MYOM1: variants seen among roughly 807,000 people sequenced by gnomAD.
MYOM1 encodes myomesin 1.
A neutral mutation model predicts 205.3 loss-of-function variants in MYOM1; 164 were observed. The observed-to-expected ratio is 0.80, with a 90% CI of 0.70 to 0.91. The LOEUF (loss-of-function observed/expected upper bound fraction) is 0.91. MYOM1 is among the 40% of genes least tolerant of loss of function. The pLI is 0.00. For missense variants in MYOM1, 2,011 were observed against 2,127.3 expected, an observed-to-expected ratio of 0.95 and a Z score of 1.08; for synonymous variants, 772 against 789.4, an observed-to-expected ratio of 0.98 and a Z score of 0.37.
rs769199894 is a variant in MYOM1 at position 3,215,198 on chromosome 18, C to T, written c.26G>A (p.Cys9Tyr). MSLPFYQR[C>Y]HQHYDLSYRN... Reference sequence around the variant, plus strand: ...GTAGCTGAGATCATAGTGCTGGTGGCACCTCTGATAAAAAGGCAAAGACAT... The same window carrying T: ...GTAGCTGAGATCATAGTGCTGGTGGTACCTCTGATAAAAAGGCAAAGACAT... Residue 9 changes from cysteine to tyrosine, a missense_variant, in exon 2 of 38, where the codon TGC becomes TAC. Cys to Tyr is a radical substitution (Grantham distance 194, BLOSUM62 -2). Transcript: ENST00000356443. 6 of 1,612,216 alleles carry T rather than the reference C, an allele frequency of 3.7e-6. No individual in the cohort carries two copies. Among genetic ancestry groups the T allele is most frequent in the Non-Finnish European group, 5.1e-6 (6 of 1,179,102 alleles).
chr18:3,092,478 C>A (rs2079238563), intron 26 of MYOM1, among the ~76,000 whole-genome samples: 1 of 152,220 alleles, frequency 6.6e-6, no homozygotes, highest in African/African-American at 2.4e-5. Flanking sequence ...CACGTGTGAG[C>A]CACCATGACT....
intron 5 of MYOM1, among the ~76,000 whole-genome samples, chr18:3,184,267 TC>T (rs2144128634): frequency 1.3e-5 from 2 of 152,294 alleles, no homozygotes; most frequent in Admixed American, 1.3e-4. Context: ...AGAAGTCAAC[TC>T]CCAGAGGTGG....
chr18:3,183,037 C>A (rs2080761646), intron 5 of MYOM1, among the ~76,000 whole-genome samples: 1 of 145,104 alleles, frequency 6.9e-6, no homozygotes, highest in African/African-American at 2.5e-5. Flanking sequence ...TCCATCGATT[C>A]TCCTGCCTCA....
At chr18:3,151,921 A>C in intron 11 of MYOM1, 28 bp from the exon 12 acceptor site, 1 of 1,599,880 alleles carries the variant, frequency 6.3e-7, no homozygotes, top group Non-Finnish European at 8.5e-7. Flanking sequence ...ATTGACAAAA[A>C]TATTAAAAGA....
At chr18:3,087,977 C>T (rs1040774096) in intron 29 of MYOM1, among the ~76,000 whole-genome samples, 28 of 152,234 alleles carry the variant, frequency 1.8e-4, no homozygotes, top group Middle Eastern at 3.4e-3. Context: ...ACAGAGGAAG[C>T]GGGAGGCCTT....
At chr18:3,193,347 CATATATATATATAT>C (rs546949478) in intron 3 of MYOM1, among the ~76,000 whole-genome samples, 300 of 140,758 alleles carry the variant, frequency 2.1e-3, no homozygotes, top group South Asian at 4.2e-3. Context: ...TGTACATATA[CATATATATATATAT>C]ACACACACAC....
At chr18:3,150,298 G>A (rs2143983135) in intron 12 of MYOM1, among the ~76,000 whole-genome samples, 1 of 152,254 alleles carries the variant, frequency 6.6e-6, no homozygotes, top group African/African-American at 2.4e-5. Flanking sequence ...CTGACCTCAG[G>A]TGATCCACCC....
rs143872153 is a variant in MYOM1 at position 3,169,124 on chromosome 18, C to T, written c.1175-143G>A. 581 of 718,486 alleles carry T rather than the reference C, an allele frequency of 8.1e-4. 5 individuals are homozygous for T. The East Asian group carries it at 0.015, about 19-fold the overall frequency. 44.5% of individuals were successfully genotyped at this position (718,486 alleles called of 1,614,324 possible). On this transcript the variant is annotated intron_variant, in intron 8 of 37. Coordinates refer to ENST00000356443, the MANE Select transcript of MYOM1 (RefSeq NM_003803.4). ...TGATTTAACTGGGTCAAAATGAAAC[C>T]GTACATAAGAAGTATTTAGAACATA...
At chr18:3,134,527 C>CACCA in intron 16 of MYOM1, 123 bp downstream of exon 16, 1 of 1,080,036 alleles carries the variant, frequency 9.3e-7, no homozygotes, top group Non-Finnish European at 1.3e-6. Context: ...AGGTGTAAGC[C>CACCA]ACCACATCCA....
At chr18:3,121,835 C>G (rs1044046044) in intron 19 of MYOM1, among the ~76,000 whole-genome samples, 3 of 152,104 alleles carry the variant, frequency 2.0e-5, no homozygotes, top group Non-Finnish European at 4.4e-5. Flanking sequence ...AAACACAGAA[C>G]AGGCCAGGTG....
At position 3,154,876 on chromosome 18, in the gene MYOM1, A is replaced by T. The variant is rs1299717162; in HGVS notation, c.1643+71T>A. 2.0e-6 allele frequency: 3 copies of T among 1,506,456 alleles called. No individual in the cohort carries two copies. In the Admixed American group the frequency reaches 6.0e-5, roughly 30 times the overall value. 93.3% of individuals were successfully genotyped at this position (1,506,456 alleles called of 1,614,324 possible). A position where few individuals can be genotyped will look rare whatever the true frequency, so the allele number is the denominator to read the frequency against. On this transcript the variant is annotated intron_variant, in intron 11 of 37. Transcript: ENST00000356443. ...CAGAAAAGAAAATATTTCCACTAGA[A>T]ATGATGGGAGAAATCAAGCACGCAT...
At chr18:3,077,553 T>A (rs1324636434) in intron 34 of MYOM1, among the ~76,000 whole-genome samples, 3 of 152,120 alleles carry the variant, frequency 2.0e-5, no homozygotes, top group Non-Finnish European at 4.4e-5. Flanking sequence ...CTTCCTCTTG[T>A]CCCCGCACCA....
chr18:3,125,898 G>C (rs1042016732), intron 19 of MYOM1, among the ~76,000 whole-genome samples: 1 of 152,092 alleles, frequency 6.6e-6, no homozygotes, highest in African/African-American at 2.4e-5. Flanking sequence ...ACTATAACAA[G>C]CACCACTTCA....
intron 4 of MYOM1, among the ~76,000 whole-genome samples, chr18:3,188,442 C>T (rs1236621536): frequency 9.1e-5 from 13 of 143,050 alleles, no homozygotes; most frequent in African/African-American, 3.6e-4. Flanking sequence ...CATGGCGAAA[C>T]CCCACCTCTA....
At chr18:3,123,509 C>G (rs953760418) in intron 19 of MYOM1, among the ~76,000 whole-genome samples, 3 of 151,808 alleles carry the variant, frequency 2.0e-5, no homozygotes, top group Non-Finnish European at 4.4e-5. Context: ...AGAAAAATAA[C>G]ATGTTCATGG....
chr18:3,229,064 A>G, the MYOM1 span, among the ~76,000 whole-genome samples: 1 of 152,366 alleles, frequency 6.6e-6, no homozygotes, highest in Admixed American at 6.5e-5. Context: ...ATTTCCAGTC[A>G]TTCACCAGGA....
At chr18:3,101,699 T>A (rs566665337) in intron 23 of MYOM1, among the ~76,000 whole-genome samples, 1 of 152,308 alleles carries the variant, frequency 6.6e-6, no homozygotes, top group East Asian at 1.9e-4. Context: ...AGTATCCTTA[T>A]TGTTACTTTA....
intron 3 of MYOM1, among the ~76,000 whole-genome samples, chr18:3,192,384 T>C (rs950824297): frequency 2.6e-5 from 4 of 152,186 alleles, no homozygotes; most frequent in African/African-American, 4.8e-5. Context: ...AATAAAAAGC[T>C]AAAAATAGAA....
rs2298540 is a variant in MYOM1 at position 3,075,556 on chromosome 18, T to C, written c.4686-80A>G. The C allele has an allele frequency of 0.14, 212,660 of 1,502,490 alleles. 16,775 individuals carry two copies. Among genetic ancestry groups the C allele is most frequent in the East Asian group, 0.32 (14,224 of 44,278 alleles). The allele number at this position is 1,502,490 out of a possible 1,614,324, so 93.1% of individuals were successfully genotyped here. ...CAAAGTAGCTAAACTTGACGACATT[T>C]TCCTTGCCTCAGAGACATTTTGCTG... On this transcript the variant is annotated intron_variant, in intron 35 of 37. Coordinates refer to ENST00000356443, the MANE Select transcript of MYOM1 (RefSeq NM_003803.4).
Sources: gnomAD v4.1 joint callset for allele counts (sites outside exome capture counted in the v4.1 genomes callset) on GRCh38, gnomAD v4.1.1 for gene constraint, MANE v1.5 for transcripts, NCBI Gene and HGNC (gene_info 2026-07-23, HGNC 2026-07-21) for gene names.